Variants in MYRIP observed in about 807,000 individuals in gnomAD.
The protein encoded by MYRIP is myosin VIIA and Rab interacting protein, also known as rab effector MyRIP.
MYRIP carries 49 observed loss-of-function variants against 98.0 expected under a neutral mutation model. The observed-to-expected ratio is 0.50, with a 90% CI of 0.40 to 0.63. The LOEUF (loss-of-function observed/expected upper bound fraction) is 0.63. Among genes scored for constraint, MYRIP ranks in the 30% least tolerant of loss-of-function variants. The pLI, the probability that MYRIP is intolerant of heterozygous loss-of-function variation, is 0.00. For missense variants in MYRIP, 1,004 were observed against 1,058.2 expected (o/e 0.95, Z 0.71); for synonymous variants, 404 against 409.5 (o/e 0.99, Z 0.16).
intron 1 of MYRIP, among the ~76,000 whole-genome samples, chr3:39,889,970 A>G (rs918679052): frequency 4.6e-5 from 7 of 152,122 alleles, no homozygotes; most frequent in East Asian, 1.9e-4. Flanking sequence ...TTGTTTCTAT[A>G]GTTGTAAAAA....
Position 39,847,455 on chromosome 3 carries a change from T to A in MYRIP, c.-31+37539T>A, listed in dbSNP as rs117799106. On this transcript the variant is annotated intron_variant, in intron 1 of 16. Coordinates refer to ENST00000302541, the MANE Select transcript of MYRIP (RefSeq NM_015460.4). ...ATAAGGAAGAAATACTCATGATAGT[T>A]ACACTTCTTGTTTCTGTAACTGGTT... is the stretch of plus-strand genomic sequence containing the variant. 7.8e-4 allele frequency among the ~76,000 whole-genome samples: 119 copies of A among 152,310 alleles called. 2 individuals are homozygous for A. The East Asian group carries it at 0.019, about 24-fold the overall frequency.
At chr3:40,077,210 G>C (rs1404570410) in intron 3 of MYRIP, among the ~76,000 whole-genome samples, 2 of 152,152 alleles carry the variant, frequency 1.3e-5, no homozygotes, top group Non-Finnish European at 2.9e-5. Flanking sequence ...TGGACCCAAA[G>C]AGTGAGCAGT....
chr3:40,079,616 C>T (rs1948430830), intron 3 of MYRIP, among the ~76,000 whole-genome samples: 1 of 152,198 alleles, frequency 6.6e-6, no homozygotes, highest in African/African-American at 2.4e-5. Context: ...TCCATGCATT[C>T]CCTAGGTGCA....
chr3:40,133,815 A>T (rs1479450496), intron 3 of MYRIP, among the ~76,000 whole-genome samples: 1 of 152,200 alleles, frequency 6.6e-6, no homozygotes, highest in African/African-American at 2.4e-5. Flanking sequence ...AGTTTCTGGC[A>T]TGCTATAAAG....
At chr3:39,958,415 A>G (rs1945227269) in intron 2 of MYRIP, among the ~76,000 whole-genome samples, 1 of 152,202 alleles carries the variant, frequency 6.6e-6, no homozygotes, top group South Asian at 2.1e-4. Flanking sequence ...CCTGAGAAAA[A>G]CAAGCAATGG....
intron 7 of MYRIP, 118 bp from the exon 8 acceptor site, chr3:40,169,832 C>T: frequency 8.6e-7 from 1 of 1,165,860 alleles, no homozygotes; most frequent in Non-Finnish European, 1.2e-6. Context: ...GCCTGGTGTT[C>T]TGTTGAAATT....
chr3:39,980,303 A>G (rs1474972018), intron 2 of MYRIP, among the ~76,000 whole-genome samples: 1 of 152,178 alleles, frequency 6.6e-6, no homozygotes, highest in African/African-American at 2.4e-5. Context: ...CTGGCCTTTC[A>G]TAGTTGTTCC....
At chr3:40,250,615 T>G in intron 15 of MYRIP, 116 bp downstream of exon 15, 1 of 1,218,112 alleles carries the variant, frequency 8.2e-7, no homozygotes, top group Non-Finnish European at 1.2e-6. Flanking sequence ...TCACACAGAA[T>G]TGCTCTTGTC....
chr3:40,021,024 T>G lies in MYRIP; in HGVS notation c.111-23026T>G, dbSNP rs147638521. 1.5e-3 allele frequency among the ~76,000 whole-genome samples: 231 copies of G among 152,320 alleles called. 2 individuals are homozygous for G. Among genetic ancestry groups the G allele is most frequent in the African/African-American group, 5.4e-3 (226 of 41,580 alleles). ...CTACCTCCACAGATCTTGTAGGGAT[T>G]AATTCTGCCAAATGCCTCACACATG... On this transcript the variant is annotated intron_variant, in intron 2 of 16. Transcript: ENST00000302541.
intron 11 of MYRIP, among the ~76,000 whole-genome samples, chr3:40,216,737 A>G (rs1952132191): frequency 6.6e-6 from 1 of 152,202 alleles, no homozygotes; most frequent in African/African-American, 2.4e-5. Context: ...TCAGTGTAAT[A>G]GAAAGATAGT....
chr3:39,856,386 C>A (rs950508300), intron 1 of MYRIP, among the ~76,000 whole-genome samples: 1 of 152,194 alleles, frequency 6.6e-6, no homozygotes, highest in African/African-American at 2.4e-5. Flanking sequence ...TTTTAGAGCC[C>A]AGCCTGTAGC....
chr3:40,100,593 G>A (rs1465635324), intron 3 of MYRIP, among the ~76,000 whole-genome samples: 1 of 152,250 alleles, frequency 6.6e-6, no homozygotes, highest in African/African-American at 2.4e-5. Context: ...CTGATGTGGT[G>A]AGGGTTGTAG....
intron 11 of MYRIP, among the ~76,000 whole-genome samples, chr3:40,226,541 C>T (rs1441446748): frequency 6.6e-6 from 1 of 152,206 alleles, no homozygotes; most frequent in Admixed American, 6.5e-5. Context: ...ATGTGGCAGT[C>T]AGAATTACCT....
At chr3:39,849,489 G>A (rs1414535463) in intron 1 of MYRIP, among the ~76,000 whole-genome samples, 1 of 152,320 alleles carries the variant, frequency 6.6e-6, no homozygotes, top group East Asian at 1.9e-4. Flanking sequence ...TGGATGACCT[G>A]GGGAGACAGA....
chr3:40,252,038 T>C lies in MYRIP; in HGVS notation c.2547+39T>C, dbSNP rs1368279745. The C allele has an allele frequency of 5.5e-6, 8 of 1,442,072 alleles. No individual in the cohort carries two copies. The East Asian group carries it at 1.1e-4, about 21-fold the overall frequency. 89.3% of individuals were successfully genotyped at this position (1,442,072 alleles called of 1,614,324 possible). A position where few individuals can be genotyped will look rare whatever the true frequency, so the allele number is the denominator to read the frequency against. Reference sequence around the variant, plus strand: ...CTGTCTTAATGTTCAACGCTTTCACTGTTGATGGTACCTCCACTCTGCAGC... The same window carrying C: ...CTGTCTTAATGTTCAACGCTTTCACCGTTGATGGTACCTCCACTCTGCAGC... On this transcript the variant is annotated intron_variant, in intron 16 of 16. Transcript: ENST00000302541.
intron 12 of MYRIP, among the ~76,000 whole-genome samples, chr3:40,238,415 T>C (rs1382876139): frequency 1.3e-5 from 2 of 152,204 alleles, no homozygotes; most frequent in African/African-American, 4.8e-5. Flanking sequence ...TCATGGCTTT[T>C]GTTGGTCTGC....
chr3:39,943,720 C>A lies in MYRIP; in HGVS notation c.110+42794C>A, dbSNP rs147106627. Among the ~76,000 whole-genome samples the A allele has an allele frequency of 2.0e-4, 30 of 152,264 alleles. No homozygotes were observed. In the East Asian group the frequency reaches 5.4e-3, roughly 27 times the overall value. On this transcript the variant is annotated intron_variant, in intron 2 of 16. Coordinates refer to ENST00000302541, the MANE Select transcript of MYRIP (RefSeq NM_015460.4). ...TCTTTTATTAGCAATAAGATACAGA[C>A]CCTTGGAGCCCTATTAAATCAATTC... is the stretch of plus-strand genomic sequence containing the variant.
chr3:40,082,430 C>G (rs1948498415), intron 3 of MYRIP, among the ~76,000 whole-genome samples: 2 of 152,318 alleles, frequency 1.3e-5, no homozygotes, highest in South Asian at 2.1e-4. Context: ...TTCAATTGAT[C>G]ACATTCAAAA....
At chr3:40,003,896 T>C (rs1159227559) in intron 2 of MYRIP, among the ~76,000 whole-genome samples, 1 of 152,184 alleles carries the variant, frequency 6.6e-6, no homozygotes, top group Non-Finnish European at 1.5e-5. Context: ...GCCAGGTAAG[T>C]CCTACACAGC....
Sources: gnomAD v4.1 joint callset for allele counts (sites outside exome capture counted in the v4.1 genomes callset) on GRCh38, gnomAD v4.1.1 for gene constraint, MANE v1.5 for transcripts, NCBI Gene and HGNC (gene_info 2026-07-23, HGNC 2026-07-21) for gene names.